EML5: variants seen among roughly 807,000 people sequenced by gnomAD.
The protein encoded by EML5 is echinoderm microtubule-associated protein-like 5.
A neutral mutation model predicts 250.0 loss-of-function variants in EML5; 120 were observed. The ratio of observed to expected loss-of-function variants is 0.48; its 90% CI spans 0.41 to 0.56. The LOEUF (loss-of-function observed/expected upper bound fraction) is 0.56. Ranked by LOEUF, EML5 falls within the 20% of genes least tolerant of loss-of-function variation. EML5 has a pLI of 0.00. For missense variants in EML5, 2,006 were observed against 2,437.6 expected (o/e 0.82, Z 3.73); for synonymous variants, 771 against 806.5 (o/e 0.96, Z 0.75).
chr14:88,657,989 A>G (rs1023094594), intron 26 of EML5, among the ~76,000 whole-genome samples, 198 bp downstream of exon 26: 2 of 152,212 alleles, frequency 1.3e-5, no homozygotes, highest in Admixed American at 6.5e-5. Context: ...TCATTTGTAG[A>G]TAAATAATAT....
chr14:88,717,167 T>C (rs2093510115), intron 8 of EML5, among the ~76,000 whole-genome samples: 1 of 152,168 alleles, frequency 6.6e-6, no homozygotes, highest in Admixed American at 6.5e-5. Flanking sequence ...CATTTTGTTC[T>C]GAGGAATGAA....
intron 7 of EML5, among the ~76,000 whole-genome samples, chr14:88,727,565 A>C (rs1411737420): frequency 6.6e-6 from 1 of 151,674 alleles, no homozygotes; most frequent in Non-Finnish European, 1.5e-5. Context: ...CCACGCCTGT[A>C]TTTTGTATTT....
At chr14:88,756,550 G>A (rs1352439845) in intron 1 of EML5, among the ~76,000 whole-genome samples, 2 of 152,030 alleles carry the variant, frequency 1.3e-5, no homozygotes, top group Admixed American at 1.3e-4. Flanking sequence ...ATCTCTATTG[G>A]CAGATGATAT....
Position 88,626,635 on chromosome 14 carries a change from T to C in EML5, c.4740+203A>G. ...CTGTGTCAAAAAAAAAAAAAAATCCTTTTCCCCCTCTCATTAACATTCTTT... is the reference window on the plus strand; with the variant it reads ...CTGTGTCAAAAAAAAAAAAAAATCCCTTTCCCCCTCTCATTAACATTCTTT... On this transcript the variant is annotated intron_variant, in intron 35 of 43. Coordinates refer to ENST00000554922, the MANE Select transcript of EML5 (RefSeq NM_183387.3). The C allele has an allele frequency of 5.0e-6, 3 of 604,074 alleles. No individual in the cohort carries two copies. The East Asian group carries it at 8.9e-5, about 18-fold the overall frequency. 37.4% of individuals were successfully genotyped at this position (604,074 alleles called of 1,614,324 possible). A position where few individuals can be genotyped will look rare whatever the true frequency, so the allele number is the denominator to read the frequency against.
At chr14:88,625,317 T>G in intron 35 of EML5, 190 bp from the exon 36 acceptor site, 1 of 575,346 alleles carries the variant, frequency 1.7e-6, no homozygotes, top group Non-Finnish European at 3.0e-6. Flanking sequence ...CAGGACCTTT[T>G]CCTTTCCAAG....
chr14:88,625,005 T>G lies in EML5; in HGVS notation c.4863A>C (p.Arg1621=), dbSNP rs774038296. Reference sequence around the variant, plus strand: ...TTCCCCCAGTCACGATAAGTCCATCTCGCAGGGTGGTGTACATGGCAAACA... The same window carrying G: ...TTCCCCCAGTCACGATAAGTCCATCGCGCAGGGTGGTGTACATGGCAAACA... ...GPVFAMYTTL[R]DGLIVTGGKE... Residue 1621 remains arginine (R), a synonymous_variant, in exon 36 of 44, where the codon CGA becomes CGC. Coordinates refer to ENST00000554922, the MANE Select transcript of EML5 (RefSeq NM_183387.3). 2 of 1,613,696 alleles carry G rather than the reference T, an allele frequency of 1.2e-6. No homozygotes were observed. Among genetic ancestry groups the G allele is most frequent in the Non-Finnish European group, 1.7e-6 (2 of 1,179,690 alleles).
intron 20 of EML5, 72 bp downstream of exon 20, chr14:88,684,943 C>T (rs889791631): frequency 7.6e-7 from 1 of 1,307,598 alleles, no homozygotes. Context: ...TCACTGTCAA[C>T]TTTTGGCTCT....
intron 7 of EML5, among the ~76,000 whole-genome samples, chr14:88,732,537 T>G (rs916094809): frequency 2.6e-5 from 4 of 152,234 alleles, no homozygotes; most frequent in African/African-American, 9.6e-5. Context: ...TAGGATTGTC[T>G]TGGCAATGTG....
chr14:88,640,415 T>A (rs1325610017), intron 31 of EML5, among the ~76,000 whole-genome samples: 6 of 151,890 alleles, frequency 4.0e-5, no homozygotes, highest in Non-Finnish European at 7.4e-5. Context: ...AACCACACAA[T>A]TACGTAAAAA....
intron 39 of EML5, chr14:88,619,359 C>CG (rs1193104911): frequency 2.0e-5 from 3 of 152,362 alleles, no homozygotes; most frequent in Non-Finnish European, 2.9e-5. Context: ...GAGCAAAACT[C>CG]CAACTCAAAA....
rs1007619697 is a variant in EML5, at chr14:88,614,947, A to G, written c.*871T>C. ...ATATGTGAATTTAACACTTTTGTTT[A>G]CATGTTAAACAAATGTGTATATATT... is the stretch of plus-strand genomic sequence containing the variant. On this transcript the variant is annotated 3_prime_UTR_variant, in exon 44 of 44. Transcript: ENST00000554922. The G allele has an allele frequency of 2.6e-5, 4 of 152,216 alleles. No individual in the cohort carries two copies. The highest frequency in any genetic ancestry group is 4.4e-5 in the Non-Finnish European group (3 of 68,024). The allele number at this position is 152,216 out of a possible 1,614,324, so 9.4% of individuals were successfully genotyped here. A position where few individuals can be genotyped will look rare whatever the true frequency, so the allele number is the denominator to read the frequency against.
At chr14:88,785,497 A>T (rs2094542543) in intron 1 of EML5, among the ~76,000 whole-genome samples, 1 of 152,174 alleles carries the variant, frequency 6.6e-6, no homozygotes, top group South Asian at 2.1e-4. Flanking sequence ...AATTTAGTAA[A>T]ATAAAACAGA....
intron 8 of EML5, among the ~76,000 whole-genome samples, chr14:88,717,579 C>T (rs1400510682): frequency 6.6e-6 from 1 of 152,050 alleles, no homozygotes; most frequent in Non-Finnish European, 1.5e-5. Context: ...CACGGTGAAA[C>T]CCCATCTCTA....
intron 35 of EML5, chr14:88,625,974 T>A (rs2089882703): frequency 1.3e-5 from 2 of 152,118 alleles, no homozygotes; most frequent in Non-Finnish European, 2.9e-5. Flanking sequence ...CCAGATGAGA[T>A]GGAATAAAGT....
intron 14 of EML5, among the ~76,000 whole-genome samples, chr14:88,701,816 G>A (rs1028888512): frequency 6.6e-6 from 1 of 152,110 alleles, no homozygotes; most frequent in African/African-American, 2.4e-5. Context: ...ATCATTTGTA[G>A]ACTGAAGGAA....
At chr14:88,727,566 T>C (rs2093686519) in intron 7 of EML5, among the ~76,000 whole-genome samples, 1 of 151,984 alleles carries the variant, frequency 6.6e-6, no homozygotes, top group Admixed American at 6.6e-5. Flanking sequence ...CACGCCTGTA[T>C]TTTGTATTTT....
chr14:88,670,758 A>G (rs995808976), intron 21 of EML5, among the ~76,000 whole-genome samples: 1 of 152,190 alleles, frequency 6.6e-6, no homozygotes, highest in Non-Finnish European at 1.5e-5. Context: ...ACAACCAAGA[A>G]TGTTACAATG....
chr14:88,666,788 T>C lies in EML5; in HGVS notation c.3125-1299A>G, dbSNP rs12323768. Among the ~76,000 whole-genome samples, 212 of 152,234 alleles carry C rather than the reference T, an allele frequency of 1.4e-3. 2 individuals carry two copies. The highest frequency in any genetic ancestry group is 4.9e-3 in the African/African-American group (203 of 41,542). ...CAAAAGCCCTAAGGATTTTGGTATC[T>C]TGTATGAAATCTGATGAGGAAAGGA... On this transcript the variant is annotated intron_variant, in intron 21 of 43. Transcript: ENST00000554922.
chr14:88,641,945 G>A (rs1419209489), intron 31 of EML5, among the ~76,000 whole-genome samples: 1 of 152,202 alleles, frequency 6.6e-6, no homozygotes, highest in African/African-American at 2.4e-5. Context: ...GACAGACCTC[G>A]ATTAAGAAGG....
Sources: allele counts gnomAD v4.1 joint callset (sites outside exome capture counted in the v4.1 genomes callset), GRCh38; gene constraint gnomAD v4.1.1; transcripts MANE v1.5; gene names NCBI Gene and HGNC (gene_info 2026-07-23, HGNC 2026-07-21).